Variants in DHRSX observed in about 807,000 individuals in gnomAD.
DHRSX encodes the protein dehydrogenase/reductase X-linked, also known as polyprenol dehydrogenase.
A neutral mutation model predicts 34.0 loss-of-function variants in DHRSX; 31 were observed. The observed-to-expected ratio is 0.91, with a 90% CI of 0.69 to 1.23. DHRSX has a LOEUF of 1.23. Ranked by LOEUF, DHRSX falls within the 50% of genes most tolerant of loss-of-function variation. The pLI, the probability that DHRSX is intolerant of heterozygous loss-of-function variation, is 0.00. For missense variants in DHRSX, 414 were observed against 428.1 expected, an observed-to-expected ratio of 0.97 and a Z score of 0.29; for synonymous variants, 201 against 183.8, an observed-to-expected ratio of 1.09 and a Z score of -0.76.
chrX:2,346,787 T>A (rs1330516503), intron 3 of DHRSX, among the ~76,000 whole-genome samples: 3 of 152,020 alleles, frequency 2.0e-5, no homozygotes, highest in Admixed American at 6.6e-5. Context: ...CTCCTAATGC[T>A]ATCCCTCCCC....
intron 3 of DHRSX, among the ~76,000 whole-genome samples, chrX:2,393,862 C>T (rs192187136): frequency 0.032 from 3,904 of 120,148 alleles, 262 homozygotes; most frequent in African/African-American, 0.12. Context: ...GGGACCTCCC[C>T]ATCTCCTGGG....
intron 3 of DHRSX, among the ~76,000 whole-genome samples, chrX:2,404,607 C>T (rs1377120446): frequency 6.6e-6 from 1 of 152,082 alleles, no homozygotes; most frequent in Non-Finnish European, 1.5e-5. Flanking sequence ...TACAAAGTCA[C>T]TAGGCAAATA....
At chrX:2,237,998 G>A (rs970199444) in intron 6 of DHRSX, among the ~76,000 whole-genome samples, 5 of 152,054 alleles carry the variant, frequency 3.3e-5, no homozygotes, top group African/African-American at 9.7e-5. Flanking sequence ...ACTCTCCTAC[G>A]GAGGCTGAGA....
intron 3 of DHRSX, among the ~76,000 whole-genome samples, chrX:2,406,818 G>A (rs1464354247): frequency 2.0e-5 from 3 of 152,150 alleles, no homozygotes; most frequent in African/African-American, 4.8e-5. Flanking sequence ...CCACTGGTGG[G>A]AATGTCAATT....
chrX:2,233,372 T>C (rs1602767560), intron 6 of DHRSX, among the ~76,000 whole-genome samples: 1 of 1,788 alleles, frequency 5.6e-4, no homozygotes, highest in Non-Finnish European at 7.0e-4. Context: ...TATCTACAGC[T>C]TTTTTTTTTT....
In DHRSX at chrX:2,275,685, C is replaced by T. The variant is rs764990297; in HGVS notation, c.389-8738G>A. The stretch of plus-strand genomic sequence containing the variant: ...GTAACTACAATTCCAATTTCCATTA[C>T]CATAGATTTAATTTGCCTGTTTTTT... On this transcript the variant is annotated intron_variant, in intron 4 of 6. Transcript: ENST00000334651. Among the ~76,000 whole-genome samples, 148 of 151,740 alleles carry T rather than the reference C, an allele frequency of 9.8e-4. 1 individual carries two copies. Among genetic ancestry groups the T allele is most frequent in the Non-Finnish European group, 1.7e-3 (118 of 67,916 alleles).
chrX:2,497,229 A>G (rs2045307845), intron 1 of DHRSX, among the ~76,000 whole-genome samples: 1 of 152,108 alleles, frequency 6.6e-6, no homozygotes, highest in Admixed American at 6.5e-5. Flanking sequence ...ACCCCATCTC[A>G]CTAAAAATAC....
rs191320793 is a variant in DHRSX at position 2,376,259 on chromosome X, G to A, written c.286+32486C>T. Among the ~76,000 whole-genome samples, 135 of 137,650 alleles carry A rather than the reference G, an allele frequency of 9.8e-4. 10 individuals carry two copies. The highest frequency in any genetic ancestry group is 7.1e-3 in the Middle Eastern group (2 of 280). 90.3% of individuals were successfully genotyped at this position (137,650 alleles called of 152,430 possible). A position where few individuals can be genotyped will look rare whatever the true frequency, so the allele number is the denominator to read the frequency against. On this transcript the variant is annotated intron_variant, in intron 3 of 6. Coordinates refer to ENST00000334651, the MANE Select transcript of DHRSX (RefSeq NM_145177.3). ...GTAGATGGCAAGAGTGCATGTGTGC[G>A]TGTGTGTATGTGTCTGAGTGTGCAT...
At chrX:2,422,048 C>T (rs1038031265) in intron 2 of DHRSX, among the ~76,000 whole-genome samples, 15 of 152,102 alleles carry the variant, frequency 9.9e-5, no homozygotes, top group African/African-American at 3.6e-4. Flanking sequence ...TATGCTTGAG[C>T]CTTTTGGGCT....
At chrX:2,392,822 C>T (rs1447822772) in intron 3 of DHRSX, among the ~76,000 whole-genome samples, 1 of 122,446 alleles carries the variant, frequency 8.2e-6, no homozygotes, top group Non-Finnish European at 1.7e-5. Context: ...TATAATGACA[C>T]AAATATAATT....
chrX:2,282,818 G>T (rs1020736049), intron 4 of DHRSX, among the ~76,000 whole-genome samples: 1 of 130,044 alleles, frequency 7.7e-6, no homozygotes, highest in Non-Finnish European at 1.6e-5. Context: ...GAGAAAGAGA[G>T]AGAGGGAGAG....
Position 2,298,616 on chromosome X carries a change from A to ACACACACGCG in DHRSX, c.287-7014_287-7013insCGCGTGTGTG, listed in dbSNP as rs1556457301. The stretch of plus-strand genomic sequence containing the variant: ...GGCGCGTGTGTACACACACACACAC[A>ACACACACGCG]CACACACACACACACACACACGAGG... On this transcript the variant is annotated intron_variant, in intron 3 of 6. Transcript: ENST00000334651. Among the ~76,000 whole-genome samples, 4 of 138,302 alleles carry ACACACACGCG rather than the reference A, an allele frequency of 2.9e-5. 1 individual carries two copies. Among genetic ancestry groups the ACACACACGCG allele is most frequent in the African/African-American group, 1.3e-4 (4 of 29,906 alleles). The allele number at this position is 138,302 out of a possible 152,430, so 90.7% of individuals were successfully genotyped here.
chrX:2,318,698 C>A lies in DHRSX; in HGVS notation c.287-27095G>T, dbSNP rs185369969. 1.4e-4 allele frequency among the ~76,000 whole-genome samples: 21 copies of A among 151,136 alleles called. 1 individual carries two copies. Among genetic ancestry groups the A allele is most frequent in the Non-Finnish European group, 2.9e-4 (20 of 67,996 alleles). ...GCCCACCGGCTTCCCAGAAAACTCA[C>A]GAATAATCTTTCCCTTGTTTCGCAC... On this transcript the variant is annotated intron_variant, in intron 3 of 6. Coordinates refer to ENST00000334651, the MANE Select transcript of DHRSX (RefSeq NM_145177.3).
At position 2,477,481 on chromosome X, in the gene DHRSX, T is replaced by C. The variant is rs1438993706; in HGVS notation, c.109+23336A>G. Among the ~76,000 whole-genome samples, 11 of 152,116 alleles carry C rather than the reference T, an allele frequency of 7.2e-5. No homozygotes were observed. The East Asian group carries it at 9.6e-4, about 13-fold the overall frequency. On this transcript the variant is annotated intron_variant, in intron 1 of 6. Transcript: ENST00000334651. ...TAACAGGGACAAAGTCCAGACCACATGGAAGGTGGATGACTCATTTGTCAC... is the reference window on the plus strand; with the variant it reads ...TAACAGGGACAAAGTCCAGACCACACGGAAGGTGGATGACTCATTTGTCAC...
At chrX:2,326,688 G>T (rs113292370) in intron 3 of DHRSX, among the ~76,000 whole-genome samples, 13,911 of 152,070 alleles carry the variant, frequency 0.091, 1,920 homozygotes, top group African/African-American at 0.3. Context: ...AATATTCCTA[G>T]GGAGACAGTA....
At chrX:2,383,053 TCAC>T (rs1049355727) in intron 3 of DHRSX, among the ~76,000 whole-genome samples, 12 of 150,460 alleles carry the variant, frequency 8.0e-5, no homozygotes, top group African/African-American at 1.7e-4. Context: ...ATCATCATCA[TCAC>T]CACCATCACC....
chrX:2,418,610 C>T (rs951869851), intron 2 of DHRSX, among the ~76,000 whole-genome samples: 4 of 152,080 alleles, frequency 2.6e-5, no homozygotes, highest in Non-Finnish European at 5.9e-5. Flanking sequence ...TCAAATATAA[C>T]CAGTAATGGA....
chrX:2,423,319 A>G (rs1327891255), intron 2 of DHRSX, among the ~76,000 whole-genome samples: 1 of 152,098 alleles, frequency 6.6e-6, no homozygotes, highest in Non-Finnish European at 1.5e-5. Context: ...AGGCTGAGGC[A>G]GGAGAGTCGC....
At chrX:2,310,131 A>G (rs1173858953) in intron 3 of DHRSX, among the ~76,000 whole-genome samples, 2 of 151,980 alleles carry the variant, frequency 1.3e-5, no homozygotes, top group East Asian at 1.9e-4. Context: ...CAGCCAGAGG[A>G]CAGTTCTTCC....
Sources: allele counts gnomAD v4.1 joint callset (sites outside exome capture counted in the v4.1 genomes callset), GRCh38; gene constraint gnomAD v4.1.1; transcripts MANE v1.5; gene names NCBI Gene and HGNC (gene_info 2026-07-23, HGNC 2026-07-21).